The following CYFIP1 variants were observed in gnomAD, a reference collection of about 807,000 sequenced individuals.
CYFIP1 encodes cytoplasmic FMR1 interacting protein 1.
In CYFIP1, 58 loss-of-function variants were observed where a neutral mutation model predicts 163.5. The observed-to-expected ratio is 0.35, with a 90% confidence interval of 0.29 to 0.44. The LOEUF (loss-of-function observed/expected upper bound fraction) is 0.44. Among genes scored for constraint, CYFIP1 ranks in the 20% least tolerant of loss-of-function variants. The probability of loss-of-function intolerance (pLI) is 1.00; values close to 1 mark genes in which losing one functional copy is unlikely to be tolerated. For missense variants in CYFIP1, 1,338 were observed against 1,653.8 expected (o/e 0.81, Z 3.31); for synonymous variants, 663 against 660.7 (o/e 1.00, Z -0.05).
intron 17 of CYFIP1, among the ~76,000 whole-genome samples, chr15:22,914,178 AG>A (rs1305990118): frequency 2.6e-5 from 4 of 152,136 alleles, no homozygotes; most frequent in Non-Finnish European, 4.4e-5. Flanking sequence ...GCCAGGCCAC[AG>A]GGCTCCCGCA....
rs1405976649 is a variant in CYFIP1, at chr15:22,869,504, A to G, written c.*524T>C. 2 of 152,314 alleles carry G rather than the reference A, an allele frequency of 1.3e-5. No individual in the cohort carries two copies. The allele number at this position is 152,314 out of a possible 1,614,324, so 9.4% of individuals were successfully genotyped here. On this transcript the variant is annotated 3_prime_UTR_variant, in exon 31 of 31. Transcript: ENST00000617928. ...TTTATTTCTATAACCTTTCGATCTG[A>G]TGTCACGTTAGATTTTGTCACAACT... is the stretch of plus-strand genomic sequence containing the variant.
At position 22,926,096 on chromosome 15, in the gene CYFIP1, C is replaced by G. The variant is rs1459662471; in HGVS notation, c.1245G>C (p.Lys415Asn). 2.5e-6 allele frequency: 4 copies of G among 1,614,136 alleles called. No individual in the cohort carries two copies. The highest frequency in any genetic ancestry group is 3.4e-6 in the Non-Finnish European group (4 of 1,180,012). Reference protein sequence around the residue: ...SAHVMEVYSWKLVHPTDKYSN... With the variant: ...SAHVMEVYSWNLVHPTDKYSN... ...AGTACTTGTCGGTGGGGTGCACAAG[C>G]TTCCAGGAATACTGTGGTGGCCGAA... The change falls in exon 13 of 31, where the codon AAG becomes AAC. Residue 415 changes from lysine to asparagine, a missense_variant. Lys to Asn is a moderately conservative substitution (Grantham distance 94). Coordinates refer to ENST00000617928, the MANE Select transcript of CYFIP1 (RefSeq NM_014608.6).
intron 23 of CYFIP1, among the ~76,000 whole-genome samples, chr15:22,890,249 T>C (rs1231509872): frequency 1.3e-5 from 2 of 149,472 alleles, no homozygotes; most frequent in East Asian, 2.0e-4. Flanking sequence ...GAGGTGGAGG[T>C]TGCAGTAAGC....
chr15:22,977,139 C>T (rs1204136576), intron 1 of CYFIP1, among the ~76,000 whole-genome samples: 5 of 151,520 alleles, frequency 3.3e-5, no homozygotes, highest in African/African-American at 1.2e-4. Flanking sequence ...GCAGAGGTTG[C>T]GGTGGGCCGA....
chr15:22,950,937 G>A (rs1475695834), intron 1 of CYFIP1, among the ~76,000 whole-genome samples: 2 of 152,230 alleles, frequency 1.3e-5, no homozygotes, highest in Non-Finnish European at 2.9e-5. Context: ...TTTTATGACA[G>A]TATATTGTTA....
At chr15:22,951,506 T>C (rs907525775) in intron 1 of CYFIP1, 9 of 1,288,360 alleles carry the variant, frequency 7.0e-6, no homozygotes, top group African/African-American at 4.6e-5. Flanking sequence ...CCTGAGGACG[T>C]GCTTCGGCCC....
At position 22,882,953 on chromosome 15, in the gene CYFIP1, G is replaced by GGA. The variant is rs1422946802; in HGVS notation, c.2733_2734dup (p.Pro912LeufsTer24). The GGA allele has an allele frequency of 6.2e-7, 1 of 1,613,930 alleles. No homozygotes were observed. Among genetic ancestry groups the GGA allele is most frequent in the Non-Finnish European group, 8.5e-7 (1 of 1,179,966 alleles). On this transcript the variant is annotated frameshift_variant, in exon 24 of 31. Transcript: ENST00000617928. LOFTEE classifies it high-confidence loss of function. ...AAGCCGGCAGATGACTTGAAAGTGT[G>GGA]GAGGTCCCACGAAGTTCCGGTAGCT...
chr15:22,921,827 T>G (rs1299000522), intron 13 of CYFIP1, among the ~76,000 whole-genome samples: 1 of 150,552 alleles, frequency 6.6e-6, no homozygotes, highest in Admixed American at 6.6e-5. Flanking sequence ...AAGGGGACAT[T>G]AGCAGTTTAT....
In CYFIP1 at chr15:22,979,995, G is replaced by A. The variant is rs542020254; in HGVS notation, c.-7+292C>T. The stretch of plus-strand genomic sequence containing the variant: ...GCGCGAGGCGGTGAACGCGGGGGCG[G>A]GGAGCTCGGGGCCGAGGCCGAAAGG... On this transcript the variant is annotated intron_variant, in intron 1 of 30. Transcript: ENST00000617928. 4.1e-3 allele frequency among the ~76,000 whole-genome samples: 627 copies of A among 152,184 alleles called. 5 individuals are homozygous for A. Among genetic ancestry groups the A allele is most frequent in the Middle Eastern group, 0.021 (6 of 292 alleles).
At chr15:22,898,221 C>T (rs538646307) in intron 22 of CYFIP1, among the ~76,000 whole-genome samples, 1 of 152,098 alleles carries the variant, frequency 6.6e-6, no homozygotes, top group Non-Finnish European at 1.5e-5. Context: ...TAAATCTAAA[C>T]CCTGTTACTC....
Position 22,867,883 on chromosome 15 carries a change from CAT to C in CYFIP1, c.*2143_*2144del, listed in dbSNP as rs2059230873. ...GAAGAAGTCGATGGAAAACTGCAAA[CAT>C]ATGCAGAAAAGGTAGAATAATAAAA... On this transcript the variant is annotated 3_prime_UTR_variant, in exon 31 of 31. Coordinates refer to ENST00000617928, the MANE Select transcript of CYFIP1 (RefSeq NM_014608.6). The C allele has an allele frequency of 1.3e-5, 2 of 152,312 alleles. No homozygotes were observed. Among genetic ancestry groups the C allele is most frequent in the African/African-American group, 2.4e-5 (1 of 41,574 alleles). The allele number at this position is 152,312 out of a possible 1,614,324, so 9.4% of individuals were successfully genotyped here.
intron 22 of CYFIP1, among the ~76,000 whole-genome samples, chr15:22,900,556 A>G (rs1183886265): frequency 1.3e-5 from 2 of 151,374 alleles, no homozygotes; most frequent in African/African-American, 4.9e-5. Context: ...CCGCCACCAC[A>G]CCCAGCTAAT....
At chr15:22,914,092 A>AT (rs2060886655) in intron 17 of CYFIP1, among the ~76,000 whole-genome samples, 1 of 152,300 alleles carries the variant, frequency 6.6e-6, no homozygotes, top group East Asian at 1.9e-4. Flanking sequence ...CACAGTCCTG[A>AT]TCCCCAGAAC....
Position 22,870,148 on chromosome 15 carries a change from G to C in CYFIP1, c.3642C>G (p.Leu1214=), listed in dbSNP as rs754785393. ...MVERIRKFQI[L]NDEIITILDK... The stretch of plus-strand genomic sequence containing the variant: ...CCAGGATGGTGATGATCTCATCATT[G>C]AGAATCTGGAACTTGCGAATTCTCT... Residue 1214 remains leucine, a synonymous_variant, in exon 31 of 31, where the codon CTC becomes CTG. Transcript: ENST00000617928. 1.2e-6 allele frequency: 2 copies of C among 1,612,214 alleles called. No individual in the cohort carries two copies. Among genetic ancestry groups the C allele is most frequent in the Non-Finnish European group, 1.7e-6 (2 of 1,179,328 alleles).
intron 23 of CYFIP1, among the ~76,000 whole-genome samples, chr15:22,885,233 C>T (rs1326023275): frequency 1.3e-5 from 2 of 152,154 alleles, no homozygotes; most frequent in Non-Finnish European, 1.5e-5. Context: ...CTCTGCTTCC[C>T]TTTTAAACAA....
chr15:22,937,883 C>A (rs969327597), intron 8 of CYFIP1, among the ~76,000 whole-genome samples: 5 of 152,182 alleles, frequency 3.3e-5, no homozygotes, highest in Non-Finnish European at 5.9e-5. Context: ...GGATTACAGG[C>A]ATGAGCCACC....
chr15:22,895,646 A>T (rs1425429218), intron 22 of CYFIP1, among the ~76,000 whole-genome samples: 3 of 152,102 alleles, frequency 2.0e-5, no homozygotes, highest in Admixed American at 2.0e-4. Context: ...ATGACTCAAC[A>T]TGGGGCTGGC....
At chr15:22,902,916 A>C (rs1009784366) in intron 22 of CYFIP1, among the ~76,000 whole-genome samples, 2 of 152,204 alleles carry the variant, frequency 1.3e-5, no homozygotes, top group African/African-American at 4.8e-5. Flanking sequence ...AGAGCTCGGC[A>C]TCCTGTCTCC....
chr15:22,903,732 G>C lies in CYFIP1; in HGVS notation c.2562C>G (p.Asn854Lys). The change falls in exon 22 of 31, where the codon AAC becomes AAG. Residue 854 changes from asparagine to lysine, a missense_variant. By Grantham distance (94) the Asn-to-Lys change is moderately conservative. This residue lies in a region of CYFIP1 where 824 missense variants were observed against 995.7 expected (regional missense o/e 0.83). Coordinates refer to ENST00000617928, the MANE Select transcript of CYFIP1 (RefSeq NM_014608.6). ...FWELNYDFLP[N>K]YCYNGSTNRF... ...GGTTGGTAGAGCCGTTGTAGCAGTA[G>C]TTGGGCAGGAAGTCATAGTTGAGCT... 1.2e-6 allele frequency: 2 copies of C among 1,613,988 alleles called. No individual in the cohort carries two copies. The highest frequency in any genetic ancestry group is 1.7e-6 in the Non-Finnish European group (2 of 1,180,042).
Sources: allele counts gnomAD v4.1 joint callset (sites outside exome capture counted in the v4.1 genomes callset), GRCh38; gene constraint gnomAD v4.1.1; regional missense constraint gnomAD v4.1.1; transcripts MANE v1.5; gene names NCBI Gene and HGNC (gene_info 2026-07-23, HGNC 2026-07-21).